Variants in TRMT61B observed in about 807,000 individuals in gnomAD.
The protein encoded by TRMT61B is tRNA (adenine(58)-N(1))-methyltransferase, mitochondrial.
A neutral mutation model predicts 52.0 loss-of-function variants in TRMT61B; 56 were observed. The observed-to-expected ratio is 1.08, with a 90% CI of 0.87 to 1.35. The LOEUF is 1.35. Among genes scored for constraint, TRMT61B ranks in the 40% most tolerant of loss-of-function variants. TRMT61B has a pLI of 0.00. For synonymous variants in TRMT61B, 206 were observed against 220.0 expected (o/e 0.94, Z 0.56); for missense variants, 650 against 577.9 (o/e 1.12, Z -1.28).
chr2:28,859,075 C>T (rs1286597653), intron 3 of TRMT61B, among the ~76,000 whole-genome samples: 1 of 145,030 alleles, frequency 6.9e-6, no homozygotes, highest in Non-Finnish European at 1.5e-5. Flanking sequence ...TTGTATTTTT[C>T]TTTCTTTCTT....
At chr2:28,867,746 T>C (rs1669908834) in intron 1 of TRMT61B, among the ~76,000 whole-genome samples, 1 of 152,040 alleles carries the variant, frequency 6.6e-6, no homozygotes, top group Non-Finnish European at 1.5e-5. Context: ...ACGAAAGTCT[T>C]TTAGTTTTCT....
At chr2:28,857,483 A>G (rs1245913335) in intron 3 of TRMT61B, among the ~76,000 whole-genome samples, 1 of 152,156 alleles carries the variant, frequency 6.6e-6, no homozygotes, top group Non-Finnish European at 1.5e-5. Flanking sequence ...TAGAGTTTAA[A>G]CAGGCAGAGA....
rs1572524971 is a variant in TRMT61B, at chr2:28,850,237, G to C, written c.1396C>G (p.Leu466Val). The change falls in exon 7 of 7, where the codon CTT becomes GTT. Residue 466 changes from leucine to valine, a missense_variant. Leu to Val is a conservative substitution (Grantham distance 32, BLOSUM62 1). Coordinates refer to ENST00000306108, the MANE Select transcript of TRMT61B (RefSeq NM_017910.4). ...GGTTTGACCTTCCTCAACTTGACAA[G>C]AAAAGCTAATTTAAGAGAAGAAAAA... ...VHWQPGHTAF[L>V]VKLRKVKPQL... The C allele has an allele frequency of 1.2e-6, 2 of 1,611,410 alleles. No homozygotes were observed. The highest frequency in any genetic ancestry group is 1.8e-4 in the Middle Eastern group (1 of 5,638).
intron 5 of TRMT61B, chr2:28,850,646 A>T (rs1669051184): frequency 2.4e-6 from 1 of 412,930 alleles, no homozygotes; most frequent in Non-Finnish European, 4.3e-6. Context: ...CTGATACTTG[A>T]AAACTTGTTC....
At chr2:28,855,189 T>A (rs1294378528) in intron 3 of TRMT61B, among the ~76,000 whole-genome samples, 1 of 152,128 alleles carries the variant, frequency 6.6e-6, no homozygotes, top group Non-Finnish European at 1.5e-5. Flanking sequence ...AGAGATGACA[T>A]CGAAGGTGGT....
rs1013371152 is a variant in TRMT61B, at chr2:28,850,455, T to C, written c.1313-50A>G. On this transcript the variant is annotated intron_variant, in intron 5 of 6. Coordinates refer to ENST00000306108, the MANE Select transcript of TRMT61B (RefSeq NM_017910.4). Reference sequence around the variant, plus strand: ...ATAAGCTACATAAAATATTTTCTATTTTTTTCACAAAACTGTTAAAATATG... The same window carrying C: ...ATAAGCTACATAAAATATTTTCTATCTTTTTCACAAAACTGTTAAAATATG... 3 of 1,269,236 alleles carry C rather than the reference T, an allele frequency of 2.4e-6. No homozygotes were observed. The African/African-American group carries it at 4.6e-5, about 19-fold the overall frequency. 78.6% of individuals were successfully genotyped at this position (1,269,236 alleles called of 1,614,324 possible).
chr2:28,867,966 T>G (rs1669919464), intron 1 of TRMT61B, among the ~76,000 whole-genome samples: 1 of 151,928 alleles, frequency 6.6e-6, no homozygotes, highest in Admixed American at 6.6e-5. Context: ...GTGCGAGGAT[T>G]GTTGGAGCCT....
At chr2:28,864,923 G>C in intron 2 of TRMT61B, 94 bp downstream of exon 2, 4 of 706,610 alleles carry the variant, frequency 5.7e-6, no homozygotes, top group Non-Finnish European at 9.8e-6. Flanking sequence ...CTCAATGTTA[G>C]GTATTTTCCC....
intron 2 of TRMT61B, among the ~76,000 whole-genome samples, chr2:28,863,043 A>C (rs572561300): frequency 1.8e-4 from 27 of 152,294 alleles, no homozygotes; most frequent in Middle Eastern, 3.4e-3. Context: ...CAGATCAATC[A>C]GTTTACAGTT....
intron 1 of TRMT61B, among the ~76,000 whole-genome samples, chr2:28,867,461 T>C (rs901173634): frequency 1.3e-5 from 2 of 152,176 alleles, no homozygotes; most frequent in African/African-American, 2.4e-5. Flanking sequence ...TTTTTAAACA[T>C]CAGTGAAGGT....
intron 3 of TRMT61B, among the ~76,000 whole-genome samples, chr2:28,855,495 G>C (rs1257223139): frequency 6.6e-6 from 1 of 152,124 alleles, no homozygotes; most frequent in Non-Finnish European, 1.5e-5. Flanking sequence ...GAGCCAATTA[G>C]AATTAGAATT....
chr2:28,850,643 T>C (rs1475438124), intron 5 of TRMT61B: 2 of 414,106 alleles, frequency 4.8e-6, no homozygotes, highest in South Asian at 4.8e-5. Flanking sequence ...CAACTGATAC[T>C]TGAAAACTTG....
intron 4 of TRMT61B, among the ~76,000 whole-genome samples, chr2:28,852,022 G>C (rs1669129086): frequency 6.6e-6 from 1 of 150,428 alleles, no homozygotes; most frequent in Admixed American, 6.7e-5. Flanking sequence ...GTTACAAAAT[G>C]AATATTTTGG....
At chr2:28,862,678 TGA>T (rs1284316149) in intron 2 of TRMT61B, among the ~76,000 whole-genome samples, 1 of 151,758 alleles carries the variant, frequency 6.6e-6, no homozygotes, top group East Asian at 1.9e-4. Flanking sequence ...TGGATGAGGT[TGA>T]GTCTTTCATA....
intron 2 of TRMT61B, among the ~76,000 whole-genome samples, chr2:28,862,878 G>GTA (rs1168695450): frequency 1.4e-5 from 2 of 140,234 alleles, no homozygotes; most frequent in African/African-American, 6.4e-5. Flanking sequence ...GTGTGTGTGT[G>GTA]TGTGTGTGTG....
chr2:28,868,081 A>G (rs1359565580), intron 1 of TRMT61B, among the ~76,000 whole-genome samples: 2 of 152,174 alleles, frequency 1.3e-5, no homozygotes, highest in African/African-American at 4.8e-5. Context: ...ATACCTCAGT[A>G]GCCTAAGTTT....
intron 3 of TRMT61B, among the ~76,000 whole-genome samples, chr2:28,859,745 A>C (rs1669517692): frequency 6.6e-6 from 1 of 152,210 alleles, no homozygotes; most frequent in South Asian, 2.1e-4. Context: ...GATATCATTA[A>C]AATCCTTTGT....
intron 3 of TRMT61B, among the ~76,000 whole-genome samples, chr2:28,859,509 C>T (rs1380450218): frequency 3.3e-5 from 5 of 152,182 alleles, no homozygotes; most frequent in African/African-American, 1.2e-4. Flanking sequence ...CTAGCTTCTA[C>T]TTAACAGTTC....
chr2:28,870,097 C>A lies in TRMT61B; in HGVS notation c.181G>T (p.Ala61Ser). Residue 61 changes from alanine (A) to serine (S), a missense_variant, in exon 1 of 7, where the codon GCC becomes TCC. Coordinates refer to ENST00000306108, the MANE Select transcript of TRMT61B (RefSeq NM_017910.4). ...EREHEAAQRK[A>S]PGAESCPSLP... ...GATGGGCAAGACTCTGCTCCTGGGG[C>A]TTTCCTTTGTGCCGCCTCGTGCTCT... 1 of 1,613,994 alleles carries A rather than the reference C, an allele frequency of 6.2e-7. No homozygotes were observed. The highest frequency in any genetic ancestry group is 8.5e-7 in the Non-Finnish European group (1 of 1,180,000).
Sources: allele counts gnomAD v4.1 joint callset (sites outside exome capture counted in the v4.1 genomes callset), GRCh38; gene constraint gnomAD v4.1.1; transcripts MANE v1.5; gene names NCBI Gene and HGNC (gene_info 2026-07-23, HGNC 2026-07-21).